Variants in NOVA1 observed in about 807,000 individuals in gnomAD.
The protein encoded by NOVA1 is NOVA alternative splicing regulator 1.
A neutral mutation model predicts 38.0 loss-of-function variants in NOVA1; 7 were observed. That is an observed-to-expected ratio of 0.18 (90% CI 0.10 to 0.35). The LOEUF (loss-of-function observed/expected upper bound fraction) is 0.35. Among genes scored for constraint, NOVA1 ranks in the 10% least tolerant of loss-of-function variants. The pLI is 1.00. For synonymous variants in NOVA1, 270 were observed against 232.5 expected, an observed-to-expected ratio of 1.16 and a Z score of -1.47; for missense variants, 460 against 616.0, an observed-to-expected ratio of 0.75 and a Z score of 2.68.
At chr14:26,481,999 A>T (rs1594372675) in intron 2 of NOVA1, among the ~76,000 whole-genome samples, 1 of 140,062 alleles carries the variant, frequency 7.1e-6, no homozygotes, top group Admixed American at 7.5e-5. Flanking sequence ...AAAAAAAAAA[A>T]AAAAAAAAAA....
chr14:26,530,644 A>G (rs1459811834), intron 2 of NOVA1, among the ~76,000 whole-genome samples: 1 of 152,184 alleles, frequency 6.6e-6, no homozygotes, highest in African/African-American at 2.4e-5. Context: ...GGAATTATCC[A>G]TGCAAACAAA....
chr14:26,579,774 T>A (rs894590197), intron 2 of NOVA1, among the ~76,000 whole-genome samples: 1 of 152,120 alleles, frequency 6.6e-6, no homozygotes, highest in Non-Finnish European at 1.5e-5. Context: ...ATACGTTTAG[T>A]AGAATTACAC....
chr14:26,477,298 A>AT (rs1351439778), intron 3 of NOVA1, among the ~76,000 whole-genome samples: 2 of 152,004 alleles, frequency 1.3e-5, no homozygotes, highest in Admixed American at 6.6e-5. Flanking sequence ...TCTTACTTTG[A>AT]TTTTTTTTAA....
Position 26,456,935 on chromosome 14 carries a change from G to GTA in NOVA1, c.520-7974_520-7973dup, listed in dbSNP as rs1277115157. On this transcript the variant is annotated intron_variant, in intron 4 of 4. Coordinates refer to ENST00000539517, the MANE Select transcript of NOVA1 (RefSeq NM_002515.3). ...AGAAAATAGCAATGCAAAGTTGAAT[G>GTA]TATATATATACACACACACACAAAT... Among the ~76,000 whole-genome samples, 5 of 149,974 alleles carry GTA rather than the reference G, an allele frequency of 3.3e-5. No individual in the cohort carries two copies. The East Asian group carries it at 5.9e-4, about 18-fold the overall frequency.
intron 2 of NOVA1, among the ~76,000 whole-genome samples, chr14:26,591,538 C>T (rs975440862): frequency 2.0e-5 from 3 of 151,702 alleles, no homozygotes; most frequent in African/African-American, 7.2e-5. Context: ...CAGACTGCAA[C>T]TTTTAGAAGC....
At chr14:26,576,360 T>A (rs1482069681) in intron 2 of NOVA1, among the ~76,000 whole-genome samples, 1 of 151,202 alleles carries the variant, frequency 6.6e-6, no homozygotes, top group Non-Finnish European at 1.5e-5. Context: ...GTGAAATGAT[T>A]ATAAATGAAC....
intron 2 of NOVA1, among the ~76,000 whole-genome samples, chr14:26,556,122 A>T (rs1891464734): frequency 6.6e-6 from 1 of 152,160 alleles, no homozygotes; most frequent in African/African-American, 2.4e-5. Flanking sequence ...TCAAAAGTCC[A>T]GTGAGTTATT....
intron 2 of NOVA1, among the ~76,000 whole-genome samples, chr14:26,587,408 C>T (rs1454779156): frequency 1.3e-5 from 2 of 149,896 alleles, no homozygotes; most frequent in African/African-American, 4.9e-5. Context: ...AGAAAAGATA[C>T]ATTGTAATAA....
At chr14:26,549,895 G>GA in intron 2 of NOVA1, 1 of 331,194 alleles carries the variant, frequency 3.0e-6, no homozygotes, top group Non-Finnish European at 6.1e-6. Flanking sequence ...AAGTACTATA[G>GA]AAAATGAAAA....
chr14:26,480,667 GTTTTTT>G (rs532204529), intron 2 of NOVA1, among the ~76,000 whole-genome samples: 11 of 145,136 alleles, frequency 7.6e-5, no homozygotes, highest in African/African-American at 2.8e-4. Context: ...ATTTTACATT[GTTTTTT>G]TTTTTACTTT....
At chr14:26,461,405 A>T (rs2138610260) in intron 4 of NOVA1, among the ~76,000 whole-genome samples, 1 of 152,206 alleles carries the variant, frequency 6.6e-6, no homozygotes, top group Non-Finnish European at 1.5e-5. Flanking sequence ...TACTAACCTG[A>T]AAACATTACT....
At chr14:26,567,496 A>G (rs192878947) in intron 2 of NOVA1, among the ~76,000 whole-genome samples, 1 of 151,912 alleles carries the variant, frequency 6.6e-6, no homozygotes, top group Admixed American at 6.6e-5. Context: ...AGGTCTTGCT[A>G]TGTTACCCAG....
chr14:26,484,980 A>T (rs918677698), intron 2 of NOVA1, among the ~76,000 whole-genome samples: 2 of 152,154 alleles, frequency 1.3e-5, no homozygotes, highest in Non-Finnish European at 2.9e-5. Context: ...GCCTTCATGG[A>T]GCTCATATTC....
chr14:26,531,075 A>G (rs1889676481), intron 2 of NOVA1, among the ~76,000 whole-genome samples: 1 of 152,186 alleles, frequency 6.6e-6, no homozygotes, highest in Non-Finnish European at 1.5e-5. Flanking sequence ...GGCATGTTTT[A>G]TTTGTTGGAT....
chr14:26,555,139 G>A (rs1891401632), intron 2 of NOVA1, among the ~76,000 whole-genome samples: 1 of 152,080 alleles, frequency 6.6e-6, no homozygotes, highest in South Asian at 2.1e-4. Context: ...CAATATTCAT[G>A]TTGCAGTAAC....
chr14:26,508,430 T>C (rs575104722), intron 2 of NOVA1, among the ~76,000 whole-genome samples: 3 of 152,158 alleles, frequency 2.0e-5, no homozygotes, highest in African/African-American at 7.2e-5. Context: ...ATTCATGATA[T>C]TGAATAATAA....
chr14:26,465,596 G>A (rs540793350), intron 4 of NOVA1, among the ~76,000 whole-genome samples: 1 of 152,222 alleles, frequency 6.6e-6, no homozygotes, highest in East Asian at 1.9e-4. Context: ...AGAAGGCTAT[G>A]TTCTTTTAGC....
At chr14:26,477,146 TG>T (rs201903205) in intron 3 of NOVA1, among the ~76,000 whole-genome samples, 5,426 of 152,312 alleles carry the variant, frequency 0.036, 109 homozygotes, top group Middle Eastern at 0.048. Flanking sequence ...TAGTATATTT[TG>T]CTACTTACTA....
chr14:26,490,435 G>A (rs891289985), intron 2 of NOVA1, among the ~76,000 whole-genome samples: 12 of 152,010 alleles, frequency 7.9e-5, no homozygotes, highest in African/African-American at 2.2e-4. Context: ...GTCCCAAGCC[G>A]CGGCACCATT....
Sources: gnomAD v4.1 joint callset for allele counts (sites outside exome capture counted in the v4.1 genomes callset) on GRCh38, gnomAD v4.1.1 for gene constraint, MANE v1.5 for transcripts, NCBI Gene and HGNC (gene_info 2026-07-23, HGNC 2026-07-21) for gene names.